The following BCL11A variants were observed in gnomAD, a reference collection of about 807,000 sequenced individuals.
The protein encoded by BCL11A is BCL11 transcription factor A, also known as B cell CLL/lymphoma 11A.
Under a neutral mutation model 55.9 loss-of-function variants are expected in BCL11A, and 2 were observed. The ratio of observed to expected loss-of-function variants is 0.04; its 90% CI spans 0.01 to 0.11. The LOEUF is 0.11. Among genes scored for constraint, BCL11A ranks in the 10% least tolerant of loss-of-function variants. The pLI is 1.00. For missense variants in BCL11A, 817 were observed against 1,137.1 expected (o/e 0.72, Z 4.05); for synonymous variants, 465 against 473.4 (o/e 0.98, Z 0.23).
intron 2 of BCL11A, among the ~76,000 whole-genome samples, chr2:60,512,511 C>T (rs965639680): frequency 3.9e-5 from 6 of 152,176 alleles, no homozygotes; most frequent in Non-Finnish European, 8.8e-5. Flanking sequence ...TTCCCGGCTC[C>T]CCTCCCAACC....
intron 2 of BCL11A, chr2:60,535,846 A>G (rs1222507172): frequency 6.6e-6 from 1 of 152,212 alleles, no homozygotes; most frequent in African/African-American, 2.4e-5. Context: ...TCCACCCACC[A>G]CCACCATCCC....
At chr2:60,537,894 T>C (rs1468157585) in intron 2 of BCL11A, 1 of 152,240 alleles carries the variant, frequency 6.6e-6, no homozygotes, top group Non-Finnish European at 1.5e-5. Flanking sequence ...AATGGGAGTT[T>C]TTAATCAGTG....
At chr2:60,454,919 C>A (rs929715923), downstream of BCL11A, among the ~76,000 whole-genome samples, 4 of 152,182 alleles carry the variant, frequency 2.6e-5, no homozygotes, top group African/African-American at 9.7e-5. Flanking sequence ...CTACAGAATG[C>A]CCTGGGAAAA....
chr2:60,525,597 C>T (rs928386944), intron 2 of BCL11A: 20 of 152,096 alleles, frequency 1.3e-4, no homozygotes, highest in African/African-American at 4.8e-4. Context: ...GGTGTTCATA[C>T]TATGCTAGAA....
At chr2:60,467,762 G>C (rs1359192724) in intron 3 of BCL11A, among the ~76,000 whole-genome samples, 2 of 99,428 alleles carry the variant, frequency 2.0e-5, no homozygotes, top group Non-Finnish European at 4.4e-5. Context: ...GGTGGTAATG[G>C]TGGTGGTGGA....
intron 2 of BCL11A, chr2:60,537,014 T>C (rs558883377): frequency 3.3e-4 from 51 of 152,260 alleles, no homozygotes; most frequent in African/African-American, 1.2e-3. Context: ...TAGAATAAGA[T>C]TTTTTTTCTT....
rs908714369 is a variant in BCL11A at position 60,512,722 on chromosome 2, C to T, written c.385+33249G>A. On this transcript the variant is annotated intron_variant, in intron 2 of 3. Transcript: ENST00000642384. ...TAATATAATTATCAAGGCATCCCTA[C>T]GTTACTTGAAGTTGGTTCATAATCT... 6.6e-5 allele frequency among the ~76,000 whole-genome samples: 10 copies of T among 152,296 alleles called. 1 individual carries two copies. Among genetic ancestry groups the T allele is most frequent in the Admixed American group, 3.9e-4 (6 of 15,306 alleles).
chr2:60,469,533 G>C (rs572962021), intron 2 of BCL11A, among the ~76,000 whole-genome samples: 1 of 152,226 alleles, frequency 6.6e-6, no homozygotes, highest in East Asian at 1.9e-4. Flanking sequence ...AAATAACTTT[G>C]ACCATTAAAT....
chr2:60,552,806 C>CT (rs1359371659), intron 1 of BCL11A, among the ~76,000 whole-genome samples: 1 of 152,100 alleles, frequency 6.6e-6, no homozygotes, highest in Non-Finnish European at 1.5e-5. Context: ...AGCAACCTCC[C>CT]TTTCCCCACC....
chr2:60,515,587 G>A (rs173342), intron 2 of BCL11A, among the ~76,000 whole-genome samples: 1 of 152,218 alleles, frequency 6.6e-6, no homozygotes, highest in Non-Finnish European at 1.5e-5. Context: ...TAGTTACCTA[G>A]AAAAATGGCC....
chr2:60,475,160 A>G (rs1396002290), intron 2 of BCL11A, among the ~76,000 whole-genome samples: 1 of 152,260 alleles, frequency 6.6e-6, no homozygotes, highest in Non-Finnish European at 1.5e-5. Flanking sequence ...TCACATCAAA[A>G]TATTGCACAC....
chr2:60,509,532 CA>C (rs776399852), intron 2 of BCL11A, among the ~76,000 whole-genome samples: 2 of 152,204 alleles, frequency 1.3e-5, no homozygotes, highest in Non-Finnish European at 2.9e-5. Flanking sequence ...CACCAATTAA[CA>C]GCAGCTCGAT....
At position 60,461,460 on chromosome 2, in the gene BCL11A, G is replaced by A. The variant is rs767991735; in HGVS notation, c.1452C>T (p.Asp484=). ...CCTCGTCGTCCTCCTCTTCCTCCTC[G>A]TCCCCGTTCTCCGGGATCAGGTTGG... ...NDPNLIPENG[D]EEEEEDDEEE... Residue 484 remains aspartate, a synonymous_variant, in exon 4 of 4, where the codon GAC becomes GAT. Transcript: ENST00000642384. 4 of 1,604,012 alleles carry A rather than the reference G, an allele frequency of 2.5e-6. No homozygotes were observed. The highest frequency in any genetic ancestry group is 2.2e-5 in the South Asian group (2 of 90,902).
At chr2:60,518,667 T>C (rs1668842093) in intron 2 of BCL11A, among the ~76,000 whole-genome samples, 1 of 152,010 alleles carries the variant, frequency 6.6e-6, no homozygotes, top group Non-Finnish European at 1.5e-5. Flanking sequence ...GCAGAGAACG[T>C]TGAGAAAGAG....
chr2:60,550,303 G>A (rs572437653), intron 1 of BCL11A, among the ~76,000 whole-genome samples: 69 of 152,258 alleles, frequency 4.5e-4, no homozygotes, highest in African/African-American at 1.4e-3. Flanking sequence ...TCGCTTCTCC[G>A]CGGCCCCGGC....
At position 60,541,899 on chromosome 2, in the gene BCL11A, C is replaced by A. The variant is rs1164133694; in HGVS notation, c.385+4072G>T. 1.7e-5 allele frequency: 12 copies of A among 709,312 alleles called. No individual in the cohort carries two copies. In the Admixed American group the frequency reaches 2.3e-4, roughly 13 times the overall value. 43.9% of individuals were successfully genotyped at this position (709,312 alleles called of 1,614,324 possible). On this transcript the variant is annotated intron_variant, in intron 2 of 3. Coordinates refer to ENST00000642384, the MANE Select transcript of BCL11A (RefSeq NM_022893.4). ...ATTTACAATTACACCATAAGGTACA[C>A]AAATACATCCTCCAGTTCAGTCTGA...
At chr2:60,480,421 C>A (rs571452805) in intron 2 of BCL11A, among the ~76,000 whole-genome samples, 3 of 152,172 alleles carry the variant, frequency 2.0e-5, no homozygotes, top group South Asian at 2.1e-4. Flanking sequence ...AGGATTCAAG[C>A]GCTGTGCAGT....
chr2:60,509,429 C>T (rs1171642963), intron 2 of BCL11A, among the ~76,000 whole-genome samples: 1 of 152,166 alleles, frequency 6.6e-6, no homozygotes, highest in Non-Finnish European at 1.5e-5. Flanking sequence ...ACGGACGTCT[C>T]AGAAAACGGT....
At chr2:60,471,312 C>A (rs1245157498) in intron 2 of BCL11A, among the ~76,000 whole-genome samples, 1 of 152,254 alleles carries the variant, frequency 6.6e-6, no homozygotes, top group East Asian at 1.9e-4. Flanking sequence ...AAAAAGCACA[C>A]TGTCTTTGTG....
Sources: gnomAD v4.1 joint callset for allele counts (sites outside exome capture counted in the v4.1 genomes callset) on GRCh38, gnomAD v4.1.1 for gene constraint, MANE v1.5 for transcripts, NCBI Gene and HGNC (gene_info 2026-07-23, HGNC 2026-07-21) for gene names.